Variants in GLUD1 observed in about 807,000 individuals in gnomAD.
GLUD1 encodes the protein glutamate dehydrogenase 1.
A neutral mutation model predicts 56.0 loss-of-function variants in GLUD1; 22 were observed. That is an observed-to-expected ratio of 0.39 (90% CI 0.28 to 0.56). The LOEUF (loss-of-function observed/expected upper bound fraction) is 0.56. Among genes scored for constraint, GLUD1 ranks in the 20% least tolerant of loss-of-function variants. The pLI, the probability that GLUD1 is intolerant of heterozygous loss-of-function variation, is 0.58. For synonymous variants in GLUD1, 223 were observed against 269.9 expected, an observed-to-expected ratio of 0.83 and a Z score of 1.70; for missense variants, 451 against 732.0, an observed-to-expected ratio of 0.62 and a Z score of 4.43.
At chr10:87,058,367 T>C (rs1176702129) in intron 10 of GLUD1, among the ~76,000 whole-genome samples, 1 of 152,182 alleles carries the variant, frequency 6.6e-6, no homozygotes, top group Non-Finnish European at 1.5e-5. Context: ...GATGGAACAC[T>C]TCACCCAGAT....
At chr10:87,053,303 T>G in intron 12 of GLUD1, 39 bp downstream of exon 12, 2 of 1,415,642 alleles carry the variant, frequency 1.4e-6, no homozygotes, top group Non-Finnish European at 2.0e-6. Context: ...TTGCACTTCA[T>G]GTGACTAGCT....
rs770138011 is a variant in GLUD1 at position 87,094,497 on chromosome 10, G to A, written c.273C>T (p.Thr91=). ...VEDKLVEDLR[T]RESEEQKRNR... The stretch of plus-strand genomic sequence containing the variant: ...TCCGCTTCTGCTCCTCGCTCTCCCG[G>A]GTCCTCAGGTCCTCCACCAGCTTGT... Residue 91 remains threonine, a synonymous_variant, in exon 1 of 13, where the codon ACC becomes ACT. Coordinates refer to ENST00000277865, the MANE Select transcript of GLUD1 (RefSeq NM_005271.5). This position sits in a 1 kb window ranked among gnomAD's most constrained non-coding sequence, Gnocchi z 6.6. The A allele has an allele frequency of 2.5e-6, 4 of 1,613,322 alleles. No homozygotes were observed. In the African/African-American group the frequency reaches 5.3e-5, roughly 22 times the overall value.
intron 1 of GLUD1, among the ~76,000 whole-genome samples, chr10:87,088,780 TAAAC>T (rs1357560139): frequency 6.6e-6 from 1 of 152,194 alleles, no homozygotes; most frequent in Non-Finnish European, 1.5e-5. Flanking sequence ...CAATTCATAA[TAAAC>T]AAAGCATTTT....
At chr10:87,064,179 C>G (rs1055996110) in intron 5 of GLUD1, among the ~76,000 whole-genome samples, 1 of 152,144 alleles carries the variant, frequency 6.6e-6, no homozygotes, top group South Asian at 2.1e-4. Flanking sequence ...TCCCAAAGTG[C>G]TGGGATTACA....
At chr10:87,081,514 G>T (rs1841253327) in intron 1 of GLUD1, among the ~76,000 whole-genome samples, 1 of 151,918 alleles carries the variant, frequency 6.6e-6, no homozygotes, top group African/African-American at 2.4e-5. Context: ...AGCGGGGAAA[G>T]GTGGGGAAAA....
Position 87,076,003 on chromosome 10 carries a change from T to C in GLUD1, c.547A>G (p.Lys183Glu). The C allele has an allele frequency of 6.2e-7, 1 of 1,601,802 alleles. No homozygotes were observed. Reference sequence around the variant, plus strand: ...TTGGGATTGATCTTAACACCAGCTTTAGCACCCCCAAACGGCACATCTGAA... The same window carrying C: ...TTGGGATTGATCTTAACACCAGCTTCAGCACCCCCAAACGGCACATCTGAA... ...AVVDVPFGGAKAGVKINPKNY... is the reference protein window; with the variant it reads ...AVVDVPFGGAEAGVKINPKNY... The change falls in exon 3 of 13, where the codon AAA becomes GAA. Residue 183 changes from lysine (K) to glutamate (E), a missense_variant. Physicochemically the swap from Lys to Glu is moderately conservative, Grantham distance 56. This residue lies in a region of GLUD1 where 248 missense variants were observed against 460.0 expected (regional missense o/e 0.54). Transcript: ENST00000277865.
At chr10:87,056,509 G>A (rs891820984) in intron 11 of GLUD1, among the ~76,000 whole-genome samples, 6 of 152,088 alleles carry the variant, frequency 3.9e-5, no homozygotes, top group African/African-American at 1.4e-4. Context: ...TGGCCAGGCT[G>A]GTCTTGAACT....
intron 5 of GLUD1, among the ~76,000 whole-genome samples, chr10:87,067,393 T>G (rs747508606): frequency 2.0e-5 from 3 of 152,154 alleles, no homozygotes; most frequent in Non-Finnish European, 2.9e-5. Flanking sequence ...GCTTGGCTAA[T>G]TTTTGTATTT....
intron 1 of GLUD1, among the ~76,000 whole-genome samples, chr10:87,079,160 C>T (rs542426323): frequency 5.7e-4 from 86 of 150,882 alleles, no homozygotes; most frequent in Middle Eastern, 3.4e-3. Flanking sequence ...TATATATCTA[C>T]AATTTGTCAA....
At chr10:87,057,610 T>G in intron 11 of GLUD1, 81 bp downstream of exon 11, 4 of 811,550 alleles carry the variant, frequency 4.9e-6, no homozygotes, top group Non-Finnish European at 8.9e-6. Context: ...ATGCCGCAGA[T>G]GAAATCCATC....
Position 87,094,551 on chromosome 10 carries a change from G to A in GLUD1, c.219C>T (p.Phe73=), listed in dbSNP as rs370668318. 8.7e-6 allele frequency: 14 copies of A among 1,612,208 alleles called. No homozygotes were observed. Among genetic ancestry groups the A allele is most frequent in the Non-Finnish European group, 1.2e-5 (14 of 1,179,930 alleles). ...DPNFFKMVEG[F]FDRGASIVED... ...CCACGATGCTGGCGCCGCGATCGAAGAAGCCCTCCACCATCTTGAAGAAGT... is the reference window on the plus strand; with the variant it reads ...CCACGATGCTGGCGCCGCGATCGAAAAAGCCCTCCACCATCTTGAAGAAGT... The change falls in exon 1 of 13, where the codon TTC becomes TTT. Residue 73 remains phenylalanine, a synonymous_variant. Transcript: ENST00000277865. This position sits in a 1 kb window ranked among gnomAD's most constrained non-coding sequence, Gnocchi z 6.6.
At chr10:87,058,631 G>A (rs574219115) in intron 10 of GLUD1, among the ~76,000 whole-genome samples, 4 of 152,180 alleles carry the variant, frequency 2.6e-5, no homozygotes, top group Non-Finnish European at 5.9e-5. Context: ...AGTGGCTCAC[G>A]CCTGTAATCC....
intron 1 of GLUD1, among the ~76,000 whole-genome samples, chr10:87,088,038 G>A (rs774673116): frequency 3.3e-5 from 5 of 151,782 alleles, no homozygotes; most frequent in Non-Finnish European, 5.9e-5. Flanking sequence ...CCAAGATCGC[G>A]CCACTGTATG....
In GLUD1 at chr10:87,053,354, C is replaced by A. The variant is rs1204529383; in HGVS notation, c.1545G>T (p.Glu515Asp). The A allele has an allele frequency of 6.2e-7, 1 of 1,609,448 alleles. No individual in the cohort carries two copies. The highest frequency in any genetic ancestry group is 8.5e-7 in the Non-Finnish European group (1 of 1,175,836). Residue 515 changes from glutamate to aspartate, a missense_variant, in exon 12 of 13, where the codon GAG becomes GAT. Coordinates refer to ENST00000277865, the MANE Select transcript of GLUD1 (RefSeq NM_005271.5). ...TCTGCACACATACCCTGGCAGAACGCTCCATTGTGTATGCCAAGCCAGAGT... is the reference window on the plus strand; with the variant it reads ...TCTGCACACATACCCTGGCAGAACGATCCATTGTGTATGCCAAGCCAGAGT... ...IVHSGLAYTM[E>D]RSARQIMRTA...
Position 87,075,944 on chromosome 10 carries a change from A to T in GLUD1, c.582+24T>A, listed in dbSNP as rs375790311. On this transcript the variant is annotated intron_variant, in intron 3 of 12. Coordinates refer to ENST00000277865, the MANE Select transcript of GLUD1 (RefSeq NM_005271.5). ...AACAAAAACAACAACAACAATAAAA[A>T]ACAAATATCACTTTCATACTTACAG... The T allele has an allele frequency of 4.0e-4, 585 of 1,471,098 alleles. 3 individuals carry two copies. The South Asian group carries it at 4.8e-3, about 12-fold the overall frequency. 91.1% of individuals were successfully genotyped at this position (1,471,098 alleles called of 1,614,324 possible).
At chr10:87,053,142 G>C (rs1845683159) in intron 12 of GLUD1, among the ~76,000 whole-genome samples, 200 bp downstream of exon 12, 1 of 152,120 alleles carries the variant, frequency 6.6e-6, no homozygotes. Context: ...TCTTTCCAAA[G>C]CCTCAAAAAC....
intron 5 of GLUD1, chr10:87,067,658 A>G: frequency 4.8e-6 from 1 of 206,890 alleles, no homozygotes; most frequent in Admixed American, 5.2e-5. Flanking sequence ...TCTAGCCCAA[A>G]TATCTCCTCT....
chr10:87,062,788 C>T lies in GLUD1; in HGVS notation c.789G>A (p.Gly263=), dbSNP rs1845969873. ...TAGCAGAGATGCGTCCATGGATTCC[C>T]CCTTGGCTGATGGGTTTACCAGTAA... is the stretch of plus-strand genomic sequence containing the variant. ...ACVTGKPISQ[G]GIHGRISATG... Residue 263 remains glycine (G), a synonymous_variant, in exon 6 of 13, where the codon GGG becomes GGA. Coordinates refer to ENST00000277865, the MANE Select transcript of GLUD1 (RefSeq NM_005271.5). The T allele has an allele frequency of 6.2e-7, 1 of 1,614,020 alleles. No homozygotes were observed. Among genetic ancestry groups the T allele is most frequent in the Non-Finnish European group, 8.5e-7 (1 of 1,180,026 alleles).
intron 5 of GLUD1, among the ~76,000 whole-genome samples, chr10:87,065,770 A>C (rs1846059954): frequency 6.6e-6 from 1 of 152,180 alleles, no homozygotes; most frequent in East Asian, 1.9e-4. Context: ...GTACAGTTCT[A>C]GGTGCATTAG....
Sources: allele counts gnomAD v4.1 joint callset (sites outside exome capture counted in the v4.1 genomes callset), GRCh38; gene constraint gnomAD v4.1.1; regional missense constraint gnomAD v4.1.1; non-coding constraint Gnocchi (gnomAD v3.1); transcripts MANE v1.5; gene names NCBI Gene and HGNC (gene_info 2026-07-23, HGNC 2026-07-21).